RBP2: variants seen among roughly 807,000 people sequenced by gnomAD.
RBP2 encodes the protein retinol-binding protein 2.
RBP2 carries 17 observed loss-of-function variants against 17.0 expected under a neutral mutation model. That is an observed-to-expected ratio of 1.00 (90% CI 0.68 to 1.50). The LOEUF is 1.50. Ranked by LOEUF, RBP2 falls within the 40% of genes most tolerant of loss-of-function variation. RBP2 has a pLI of 0.00. For missense variants in RBP2, 158 were observed against 168.2 expected (o/e 0.94, Z 0.33); for synonymous variants, 48 against 57.1 (o/e 0.84, Z 0.72).
At chr3:139,469,194 G>A (rs1428935070) in intron 1 of RBP2, among the ~76,000 whole-genome samples, 1 of 152,138 alleles carries the variant, frequency 6.6e-6, no homozygotes, top group African/African-American at 2.4e-5. Context: ...CAAATCATTG[G>A]CACTCTTAGG....
intron 1 of RBP2, among the ~76,000 whole-genome samples, chr3:139,469,608 C>T (rs1576427162): frequency 6.6e-6 from 1 of 152,084 alleles, no homozygotes; most frequent in African/African-American, 2.4e-5. Flanking sequence ...CTTGTGAGCA[C>T]CATCAGGAAT....
chr3:139,470,101 T>C (rs1045591804), intron 1 of RBP2, among the ~76,000 whole-genome samples: 4 of 152,166 alleles, frequency 2.6e-5, no homozygotes, highest in African/African-American at 9.7e-5. Flanking sequence ...TAATACTCCA[T>C]TTGAATGTGT....
At chr3:139,467,021 T>C (rs2107877795) in intron 1 of RBP2, among the ~76,000 whole-genome samples, 1 of 152,320 alleles carries the variant, frequency 6.6e-6, no homozygotes, top group South Asian at 2.1e-4. Flanking sequence ...CCTGCATTTT[T>C]CATGGAGTTG....
At chr3:139,468,704 C>T (rs1232302804) in intron 1 of RBP2, among the ~76,000 whole-genome samples, 1 of 152,114 alleles carries the variant, frequency 6.6e-6, no homozygotes, top group Non-Finnish European at 1.5e-5. Flanking sequence ...TATAAAAACA[C>T]TTCCTCTTCG....
chr3:139,459,181 A>C (rs1215698433), intron 2 of RBP2, among the ~76,000 whole-genome samples: 5 of 151,676 alleles, frequency 3.3e-5, no homozygotes, highest in African/African-American at 1.2e-4. Context: ...TACCACACAC[A>C]CTCTCACACT....
chr3:139,470,160 C>G (rs1933512366), intron 1 of RBP2, among the ~76,000 whole-genome samples: 1 of 152,178 alleles, frequency 6.6e-6, no homozygotes, highest in Non-Finnish European at 1.5e-5. Context: ...AATGCATGCT[C>G]CCCCGCCACC....
At chr3:139,458,522 C>T (rs1356909811) in intron 2 of RBP2, among the ~76,000 whole-genome samples, 3 of 152,198 alleles carry the variant, frequency 2.0e-5, no homozygotes, top group Non-Finnish European at 4.4e-5. Flanking sequence ...AATTCGGTAG[C>T]TTTTAGTACA....
chr3:139,454,875 G>A (rs1943369051), intron 2 of RBP2, 45 bp from the exon 3 acceptor site: 2 of 1,569,726 alleles, frequency 1.3e-6, no homozygotes, highest in Non-Finnish European at 1.8e-6. Context: ...TGGTCTTGAG[G>A]GACTGAACAA....
chr3:139,470,982 C>G (rs779587780), intron 1 of RBP2, among the ~76,000 whole-genome samples: 1 of 151,984 alleles, frequency 6.6e-6, no homozygotes. Context: ...CACTGTCACC[C>G]CCTCAAACCT....
At chr3:139,460,520 T>C (rs559641330) in intron 2 of RBP2, among the ~76,000 whole-genome samples, 8 of 152,336 alleles carry the variant, frequency 5.3e-5, no homozygotes, top group African/African-American at 1.9e-4. Flanking sequence ...CTTTTAATTG[T>C]CACCAAATAA....
At chr3:139,464,937 T>C (rs538020310) in intron 1 of RBP2, among the ~76,000 whole-genome samples, 1 of 152,214 alleles carries the variant, frequency 6.6e-6, no homozygotes, top group African/African-American at 2.4e-5. Context: ...ACTTTGTCCA[T>C]AGGAGGCTGT....
chr3:139,458,516 C>T (rs1012586792), intron 2 of RBP2, among the ~76,000 whole-genome samples: 3 of 152,270 alleles, frequency 2.0e-5, no homozygotes, highest in African/African-American at 4.8e-5. Flanking sequence ...ATACACAATT[C>T]GGTAGCTTTT....
chr3:139,456,699 C>A (rs1932976136), intron 2 of RBP2, among the ~76,000 whole-genome samples: 1 of 152,102 alleles, frequency 6.6e-6, no homozygotes, highest in Non-Finnish European at 1.5e-5. Flanking sequence ...GTGGCTGGGG[C>A]TAGGATAGAA....
intron 2 of RBP2, 93 bp from the exon 3 acceptor site, chr3:139,454,923 G>T: frequency 7.8e-7 from 1 of 1,282,812 alleles, no homozygotes; most frequent in South Asian, 1.2e-5. Context: ...AGCCATTTCA[G>T]GGTCTTGCTT....
chr3:139,472,682 A>G (rs1933606401), intron 1 of RBP2, among the ~76,000 whole-genome samples: 2 of 152,220 alleles, frequency 1.3e-5, no homozygotes, highest in African/African-American at 4.8e-5. Flanking sequence ...TTGCAACCAA[A>G]TGAAAGACTT....
rs1467564190 is a variant in RBP2, at chr3:139,469,771, T to A, written c.73+6616A>T. Among the ~76,000 whole-genome samples, 6 of 152,104 alleles carry A rather than the reference T, an allele frequency of 3.9e-5. No homozygotes were observed. In the South Asian group the frequency reaches 1.2e-3, roughly 31 times the overall value. ...TTCACCCAGGGACTCTGAGTGATTC[T>A]CTTTCAGTGTTTCTGAGGGTCCTGC... On this transcript the variant is annotated intron_variant, in intron 1 of 3. Coordinates refer to ENST00000232217, the MANE Select transcript of RBP2 (RefSeq NM_004164.3).
intron 1 of RBP2, among the ~76,000 whole-genome samples, chr3:139,470,257 A>G (rs1396873945): frequency 6.6e-6 from 1 of 152,172 alleles, no homozygotes; most frequent in African/African-American, 2.4e-5. Flanking sequence ...CCAGTTATTC[A>G]GGCCTAAGCC....
chr3:139,453,888 C>T (rs1428828633), intron 3 of RBP2, among the ~76,000 whole-genome samples: 1 of 152,020 alleles, frequency 6.6e-6, no homozygotes, highest in African/African-American at 2.4e-5. Context: ...GCCATCAATG[C>T]AAAACACGAT....
chr3:139,475,397 T>G (rs1933705356), intron 1 of RBP2, among the ~76,000 whole-genome samples: 1 of 149,414 alleles, frequency 6.7e-6, no homozygotes, highest in African/African-American at 2.5e-5. Context: ...ATATCACAGC[T>G]CTCCTTTTTC....
Sources: allele counts gnomAD v4.1 joint callset (sites outside exome capture counted in the v4.1 genomes callset), GRCh38; gene constraint gnomAD v4.1.1; transcripts MANE v1.5; gene names NCBI Gene and HGNC (gene_info 2026-07-23, HGNC 2026-07-21).